WDR7: variants seen among roughly 807,000 people sequenced by gnomAD.
WDR7 encodes the protein WD repeat-containing protein 7.
A neutral mutation model predicts 169.4 loss-of-function variants in WDR7; 46 were observed. The ratio of observed to expected loss-of-function variants is 0.27; its 90% CI spans 0.21 to 0.35. WDR7 has a LOEUF of 0.35. Among genes scored for constraint, WDR7 ranks in the 10% least tolerant of loss-of-function variants. The pLI, the probability that WDR7 is intolerant of heterozygous loss-of-function variation, is 1.00. For missense variants in WDR7, 1,534 were observed against 1,859.3 expected (o/e 0.83, Z 3.22); for synonymous variants, 612 against 666.8 (o/e 0.92, Z 1.27).
intron 26 of WDR7, among the ~76,000 whole-genome samples, chr18:56,974,656 A>G (rs1292414530): frequency 4.6e-5 from 7 of 152,220 alleles, no homozygotes; most frequent in African/African-American, 1.7e-4. Context: ...GACAGAGGGA[A>G]TAGGAGTCTT....
chr18:56,847,074 C>T (rs1375874499), intron 20 of WDR7, among the ~76,000 whole-genome samples: 1 of 152,068 alleles, frequency 6.6e-6, no homozygotes, highest in Non-Finnish European at 1.5e-5. Context: ...GTTGGGAATT[C>T]CTAAGAGACT....
At chr18:56,810,574 T>G (rs1321035729) in intron 19 of WDR7, among the ~76,000 whole-genome samples, 1 of 152,160 alleles carries the variant, frequency 6.6e-6, no homozygotes, top group Admixed American at 6.6e-5. Flanking sequence ...TTAAAAATTT[T>G]AAGTAGAAAA....
intron 12 of WDR7, among the ~76,000 whole-genome samples, chr18:56,698,810 C>CAAG (rs1021944755): frequency 6.6e-6 from 1 of 152,036 alleles, no homozygotes; most frequent in Non-Finnish European, 1.5e-5. Context: ...ACAGGGAAGT[C>CAAG]TAGTACTTGA....
At chr18:56,656,642 C>T (rs964536106) in intron 1 of WDR7, among the ~76,000 whole-genome samples, 6 of 150,644 alleles carry the variant, frequency 4.0e-5, no homozygotes, top group Admixed American at 4.0e-4. Flanking sequence ...TCTTAATTTG[C>T]ATTTCCCAAA....
intron 12 of WDR7, among the ~76,000 whole-genome samples, chr18:56,712,031 A>T (rs2026097531): frequency 6.6e-6 from 1 of 152,214 alleles, no homozygotes; most frequent in South Asian, 2.1e-4. Flanking sequence ...CCAAGAGAAA[A>T]ATTGTTTTGG....
At chr18:56,868,305 T>C (rs970769819) in intron 20 of WDR7, among the ~76,000 whole-genome samples, 5 of 152,166 alleles carry the variant, frequency 3.3e-5, no homozygotes, top group South Asian at 4.1e-4. Context: ...ATACTCCTTA[T>C]AAATGAACAG....
At chr18:56,729,729 A>G (rs2026541777) in intron 13 of WDR7, among the ~76,000 whole-genome samples, 1 of 152,168 alleles carries the variant, frequency 6.6e-6, no homozygotes. Context: ...TGGATATGGT[A>G]TCATTATTTA....
intron 7 of WDR7, 66 bp from the exon 8 acceptor site, chr18:56,691,150 A>C: frequency 1.3e-6 from 2 of 1,537,730 alleles, no homozygotes. Flanking sequence ...TTAAACTTGA[A>C]ATGTCACTGG....
intron 20 of WDR7, among the ~76,000 whole-genome samples, chr18:56,835,706 A>G (rs1431717397): frequency 1.3e-5 from 2 of 152,220 alleles, no homozygotes; most frequent in African/African-American, 2.4e-5. Context: ...ATAAGAATGT[A>G]TAAGTTCTTG....
intron 13 of WDR7, among the ~76,000 whole-genome samples, chr18:56,720,843 G>A (rs1750117918): frequency 6.7e-6 from 1 of 149,606 alleles, no homozygotes; most frequent in African/African-American, 2.4e-5. Context: ...GAAGATTTGG[G>A]TAAACAATCA....
chr18:56,921,211 T>TG (rs2046714178), intron 21 of WDR7, among the ~76,000 whole-genome samples: 2 of 152,242 alleles, frequency 1.3e-5, no homozygotes, highest in Non-Finnish European at 2.9e-5. Flanking sequence ...ATGTTTTATT[T>TG]GGGAAAAGTT....
chr18:56,895,371 A>T (rs1173184712), intron 21 of WDR7, among the ~76,000 whole-genome samples: 4 of 151,946 alleles, frequency 2.6e-5, no homozygotes, highest in African/African-American at 9.7e-5. Context: ...TAAAGGCTAC[A>T]GGTAGGCATT....
chr18:56,692,284 C>T (rs1489298192), intron 9 of WDR7, among the ~76,000 whole-genome samples: 2 of 152,056 alleles, frequency 1.3e-5, no homozygotes, highest in Non-Finnish European at 2.9e-5. Flanking sequence ...AAGAATAAAA[C>T]ATTTTTTCTC....
chr18:56,954,759 T>C (rs1399197037), intron 25 of WDR7, among the ~76,000 whole-genome samples: 1 of 152,156 alleles, frequency 6.6e-6, no homozygotes, highest in Non-Finnish European at 1.5e-5. Context: ...GTAAAAAGTG[T>C]CATTGGGGAA....
Position 56,695,135 on chromosome 18 carries a change from A to C in WDR7, c.1294A>C (p.Ile432Leu). Reference protein sequence around the residue: ...VCGREDGSIVIVPATQTAIVQ... With the variant: ...VCGREDGSIVLVPATQTAIVQ... ...TGGTCGTGAAGATGGAAGCATAGTT[A>C]TTGTACCTGCCACACAGACGGCCAT... Residue 432 changes from isoleucine to leucine, a missense_variant, in exon 11 of 28, where the codon ATT becomes CTT. Coordinates refer to ENST00000254442, the MANE Select transcript of WDR7 (RefSeq NM_015285.3). The C allele has an allele frequency of 6.2e-7, 1 of 1,614,130 alleles. No homozygotes were observed. The highest frequency in any genetic ancestry group is 1.1e-5 in the South Asian group (1 of 91,078).
chr18:57,015,445 AT>A (rs777458045), intron 26 of WDR7, among the ~76,000 whole-genome samples: 14 of 151,528 alleles, frequency 9.2e-5, no homozygotes, highest in Admixed American at 7.9e-4. Context: ...AAGAAGGGGG[AT>A]TTTTTTTTCC....
chr18:56,829,151 T>A (rs192966141), intron 20 of WDR7, among the ~76,000 whole-genome samples: 18 of 150,064 alleles, frequency 1.2e-4, no homozygotes, highest in African/African-American at 4.4e-4. Flanking sequence ...TAGCTGAGTG[T>A]GGTGGTGTGC....
intron 14 of WDR7, among the ~76,000 whole-genome samples, chr18:56,735,041 T>TA (rs2026669830): frequency 6.6e-6 from 1 of 152,324 alleles, no homozygotes; most frequent in African/African-American, 2.4e-5. Flanking sequence ...TGAATACTTT[T>TA]AAAAGGATAC....
chr18:57,033,797 T>C (rs1019044798), downstream of WDR7: 1 of 151,668 alleles, frequency 6.6e-6, no homozygotes, highest in Non-Finnish European at 1.5e-5. Flanking sequence ...CCCAAGGTCA[T>C]GCTTCCTTTC....
Sources: allele counts gnomAD v4.1 joint callset (sites outside exome capture counted in the v4.1 genomes callset), GRCh38; gene constraint gnomAD v4.1.1; transcripts MANE v1.5; gene names NCBI Gene and HGNC (gene_info 2026-07-23, HGNC 2026-07-21).